ZBTB49: variants seen among roughly 807,000 people sequenced by gnomAD.
The protein encoded by ZBTB49 is zinc finger and BTB domain-containing protein 49.
In ZBTB49, 43 loss-of-function variants were observed where a neutral mutation model predicts 57.5. That is an observed-to-expected ratio of 0.75 (90% CI 0.59 to 0.97). The LOEUF (loss-of-function observed/expected upper bound fraction) is 0.97. Among genes scored for constraint, ZBTB49 ranks in the 50% least tolerant of loss-of-function variants. ZBTB49 has a pLI of 0.00. For missense variants in ZBTB49, 938 were observed against 947.7 expected, an observed-to-expected ratio of 0.99 and a Z score of 0.13; for synonymous variants, 369 against 362.1, an observed-to-expected ratio of 1.02 and a Z score of -0.22.
chr4:4,304,096 G>C (rs76793877), intron 3 of ZBTB49, among the ~76,000 whole-genome samples: 5,782 of 152,144 alleles, frequency 0.038, 456 homozygotes, highest in East Asian at 0.33. Context: ...TGAATATAAA[G>C]TACTGTTATT....
chr4:4,317,570 C>T (rs1721240742), intron 7 of ZBTB49, among the ~76,000 whole-genome samples: 3 of 152,240 alleles, frequency 2.0e-5, no homozygotes, highest in South Asian at 2.1e-4. Context: ...TATGCATGGA[C>T]TCATACAACA....
At position 4,320,789 on chromosome 4, in the gene ZBTB49, G is replaced by C; in HGVS notation, c.1771G>C (p.Glu591Gln). ...HKKMHCKAGD[E>Q]SPDVLEELSQ... is the part of the protein sequence containing the mutation. Reference sequence around the variant, plus strand: ...GAAGATGCACTGCAAAGCTGGTGACGAGAGCCCAGATGTGCTGGAGGAGCT... The same window carrying C: ...GAAGATGCACTGCAAAGCTGGTGACCAGAGCCCAGATGTGCTGGAGGAGCT... Residue 591 changes from glutamate to glutamine, a missense_variant, in exon 8 of 8, where the codon GAG becomes CAG. Glu to Gln is a conservative substitution (Grantham distance 29). This residue lies in a region of ZBTB49 where 835 missense variants were observed against 819.1 expected (regional missense o/e 1.02). Coordinates refer to ENST00000337872, the MANE Select transcript of ZBTB49 (RefSeq NM_145291.4). 6.2e-7 allele frequency: 1 copy of C among 1,614,164 alleles called. No individual in the cohort carries two copies. Among genetic ancestry groups the C allele is most frequent in the East Asian group, 2.2e-5 (1 of 44,860 alleles).
chr4:4,306,091 C>A, intron 3 of ZBTB49, 47 bp from the exon 4 acceptor site: 1 of 1,567,994 alleles, frequency 6.4e-7, no homozygotes, highest in Non-Finnish European at 8.7e-7. Context: ...AATTATTGAA[C>A]AAATACTAGT....
intron 4 of ZBTB49, among the ~76,000 whole-genome samples, chr4:4,308,751 GA>G (rs1393645769): frequency 6.6e-6 from 1 of 152,232 alleles, no homozygotes; most frequent in African/African-American, 2.4e-5. Flanking sequence ...TTGTTTAGAG[GA>G]AGCAACAGAC....
intron 3 of ZBTB49, among the ~76,000 whole-genome samples, chr4:4,303,365 CTAAAG>C (rs1720588967): frequency 6.6e-6 from 1 of 152,078 alleles, no homozygotes; most frequent in Non-Finnish European, 1.5e-5. Flanking sequence ...CCATCTGTCT[CTAAAG>C]AAAGTATAGT....
rs376439617 is a variant in ZBTB49 at position 4,304,082 on chromosome 4, C to A, written c.1255+991C>A. Among the ~76,000 whole-genome samples the A allele has an allele frequency of 1.6e-4, 25 of 152,164 alleles. No individual in the cohort carries two copies. The South Asian group carries it at 2.9e-3, about 18-fold the overall frequency. On this transcript the variant is annotated intron_variant, in intron 3 of 7. Coordinates refer to ENST00000337872, the MANE Select transcript of ZBTB49 (RefSeq NM_145291.4). ...TGAAGGCCCTTTATACATTTTAGTG[C>A]ATTTGAATATAAAGTACTGTTATTA...
In ZBTB49 at chr4:4,320,871, C is replaced by G. The variant is rs762830077; in HGVS notation, c.1853C>G (p.Ser618Cys). The G allele has an allele frequency of 6.2e-6, 10 of 1,614,112 alleles. No homozygotes were observed. The highest frequency in any genetic ancestry group is 6.8e-6 in the Non-Finnish European group (8 of 1,180,052). ...AAATCTCAGAGCTCAGACTCTTTCT[C>G]CCAAGACACGTCTGTGACGCTGATG... ...LEKSQSSDSF[S>C]QDTSVTLMPV... The change falls in exon 8 of 8, where the codon TCC (serine) becomes TGC (cysteine). Residue 618 changes from serine (S) to cysteine (C), a missense_variant. By Grantham distance (112) the Ser-to-Cys change is moderately radical. Around this residue, in one of 3 missense-constraint regions of ZBTB49, gnomAD observed 835 missense variants for 819.1 expected, o/e 1.02. Transcript: ENST00000337872.
intron 2 of ZBTB49, among the ~76,000 whole-genome samples, chr4:4,300,597 ATATT>A (rs1328468307): frequency 6.6e-6 from 1 of 151,868 alleles, no homozygotes; most frequent in African/African-American, 2.4e-5. Context: ...CTTATATGAA[ATATT>A]TATTTATAAA....
chr4:4,302,080 A>G lies in ZBTB49; in HGVS notation c.244A>G (p.Met82Val). The change falls in exon 3 of 8, where the codon ATG (methionine) becomes GTG (valine). Residue 82 changes from methionine (M) to valine (V), a missense_variant. By Grantham distance (21) the Met-to-Val change is conservative (BLOSUM62 1). Transcript: ENST00000337872. ...VSGIGQILDF[M>V]YTSHLDLNQD... is the part of the protein sequence containing the mutation. ...TGGCATAGGGCAGATCCTGGACTTC[A>G]TGTACACTTCTCATCTAGATCTTAA... 2.5e-6 allele frequency: 4 copies of G among 1,614,028 alleles called. No homozygotes were observed. The highest frequency in any genetic ancestry group is 3.4e-6 in the Non-Finnish European group (4 of 1,179,896).
intron 1 of ZBTB49, among the ~76,000 whole-genome samples, chr4:4,295,843 A>C (rs938899337): frequency 6.6e-6 from 1 of 152,216 alleles, no homozygotes; most frequent in Admixed American, 6.5e-5. Flanking sequence ...GAATCAGAAT[A>C]AGGTCTCGAT....
At chr4:4,318,411 T>C (rs781148663) in intron 7 of ZBTB49, among the ~76,000 whole-genome samples, 77 of 151,014 alleles carry the variant, frequency 5.1e-4, no homozygotes, top group Non-Finnish European at 5.5e-4. Flanking sequence ...ACGTCAGGAG[T>C]TTGAGACCAG....
At chr4:4,306,210 A>G (rs774136959) in intron 4 of ZBTB49, 26 bp downstream of exon 4, 2 of 1,594,832 alleles carry the variant, frequency 1.3e-6, no homozygotes, top group South Asian at 1.1e-5. Context: ...TTTATTGTTA[A>G]TAATTGGAAA....
rs892312087 is a variant in ZBTB49, at chr4:4,320,757, G to A, written c.1739G>A (p.Arg580Gln). ...KCFTRSAVLRRHKKMHCKAGD... is the reference protein window; with the variant it reads ...KCFTRSAVLRQHKKMHCKAGD... ...TTTACCCGCTCTGCGGTGCTCCGGC[G>A]GCACAAGAAGATGCACTGCAAAGCT... is the stretch of plus-strand genomic sequence containing the variant. The change falls in exon 8 of 8, where the codon CGG (arginine) becomes CAG (glutamine). Residue 580 changes from arginine to glutamine, a missense_variant. Transcript: ENST00000337872. The A allele has an allele frequency of 1.2e-5, 19 of 1,614,092 alleles. No homozygotes were observed. Among genetic ancestry groups the A allele is most frequent in the African/African-American group, 2.7e-5 (2 of 74,934 alleles).
At chr4:4,303,627 T>C (rs1720600617) in intron 3 of ZBTB49, among the ~76,000 whole-genome samples, 1 of 152,176 alleles carries the variant, frequency 6.6e-6, no homozygotes, top group Non-Finnish European at 1.5e-5. Context: ...CATTTGATAT[T>C]CTCAAAAGAA....
At position 4,294,872 on chromosome 4, in the gene ZBTB49, CGTGTGTGTGTGT is replaced by C. The variant is rs10626183; in HGVS notation, c.-20+4553_-20+4564del. Among the ~76,000 whole-genome samples the C allele has an allele frequency of 7.6e-3, 1,053 of 138,122 alleles. 8 individuals are homozygous for C. Among genetic ancestry groups the C allele is most frequent in the African/African-American group, 0.026 (976 of 37,538 alleles). The allele number at this position is 138,122 out of a possible 152,430, so 90.6% of individuals were successfully genotyped here. ...TTAACAGGTCTGTGGAGGAGGGTTTCGTGTGTGTGTGTGTGTGTGTGTGTGTGTGTGTGTGTG... is the reference window on the plus strand; with the variant it reads ...TTAACAGGTCTGTGGAGGAGGGTTTCGTGTGTGTGTGTGTGTGTGTGTGTG... On this transcript the variant is annotated intron_variant, in intron 1 of 7. Transcript: ENST00000337872.
Position 4,320,642 on chromosome 4 carries a change from A to T in ZBTB49, c.1624A>T (p.Lys542Ter). The change falls in exon 8 of 8, where the codon AAA becomes TAA. Residue 542 changes from lysine to a stop codon, truncating the protein, a stop_gained and splice_region_variant. Transcript: ENST00000337872. LOFTEE classifies it low-confidence loss of function (END_TRUNC). ...ERPYSCSACG[K>*]CFGGSGDLRR... ...AATAACTGTTTTTCTTTTTCCAGGG[A>T]AATGTTTTGGGGGATCAGGTGACCT... 6.2e-7 allele frequency: 1 copy of T among 1,613,142 alleles called. No individual in the cohort carries two copies. The highest frequency in any genetic ancestry group is 1.3e-5 in the African/African-American group (1 of 74,918).
intron 4 of ZBTB49, among the ~76,000 whole-genome samples, chr4:4,311,581 A>G (rs1473651833): frequency 2.6e-5 from 4 of 152,214 alleles, no homozygotes; most frequent in Admixed American, 2.0e-4. Flanking sequence ...TGGCCCCACC[A>G]TGTAACTGAG....
At chr4:4,304,481 G>A (rs111655906) in intron 3 of ZBTB49, among the ~76,000 whole-genome samples, 218 of 152,192 alleles carry the variant, frequency 1.4e-3, no homozygotes, top group South Asian at 3.3e-3. Flanking sequence ...GCCTCCCAAA[G>A]TGCTGGGATT....
intron 7 of ZBTB49, among the ~76,000 whole-genome samples, chr4:4,316,866 C>G (rs1215237596): frequency 1.3e-5 from 2 of 152,216 alleles, no homozygotes; most frequent in Non-Finnish European, 2.9e-5. Context: ...AGTGAAGTTT[C>G]ATCACTTTAA....
Sources: allele counts gnomAD v4.1 joint callset (sites outside exome capture counted in the v4.1 genomes callset), GRCh38; gene constraint gnomAD v4.1.1; regional missense constraint gnomAD v4.1.1; transcripts MANE v1.5; gene names NCBI Gene and HGNC (gene_info 2026-07-23, HGNC 2026-07-21).